Variants in NCAPD2 observed in about 807,000 individuals in gnomAD.
NCAPD2 encodes condensin complex subunit 1.
Under a neutral mutation model 164.5 loss-of-function variants are expected in NCAPD2, and 100 were observed. That is an observed-to-expected ratio of 0.61 (90% CI 0.52 to 0.72). NCAPD2 has a LOEUF of 0.72. Among genes scored for constraint, NCAPD2 ranks in the 30% least tolerant of loss-of-function variants. The pLI is 0.00. For missense variants in NCAPD2, 1,560 were observed against 1,749.2 expected (o/e 0.89, Z 1.93); for synonymous variants, 585 against 642.6 (o/e 0.91, Z 1.36).
intron 9 of NCAPD2, 123 bp downstream of exon 9, chr12:6,515,043 AT>A: frequency 9.2e-7 from 1 of 1,083,616 alleles, no homozygotes; most frequent in Non-Finnish European, 1.3e-6. Context: ...TCATTGTGAC[AT>A]TTCCTTTCTG....
Position 6,528,296 on chromosome 12 carries a change from G to C in NCAPD2, c.3267G>C (p.Leu1089=). Residue 1089 remains leucine, a synonymous_variant, in exon 25 of 32, where the codon CTG becomes CTC. Coordinates refer to ENST00000315579, the MANE Select transcript of NCAPD2 (RefSeq NM_014865.4). This position sits in a 1 kb window ranked among gnomAD's most constrained non-coding sequence, Gnocchi z 5.1. The part of the protein sequence containing the change: ...TGDLAIRFPN[L]VDPWTPHLYA... ...ATCTGGCCATCCGCTTTCCCAATCT[G>C]GTGGACCCCTGGACTCCTCATCTGT... 1 of 1,613,836 alleles carries C rather than the reference G, an allele frequency of 6.2e-7. No individual in the cohort carries two copies.
chr12:6,506,501 A>T (rs1261720896), intron 2 of NCAPD2, among the ~76,000 whole-genome samples: 1 of 151,430 alleles, frequency 6.6e-6, no homozygotes, highest in Non-Finnish European at 1.5e-5. Context: ...GAGGCAGGAG[A>T]GTGGCGTGAA....
chr12:6,511,343 T>G lies in NCAPD2; in HGVS notation c.587+91T>G, dbSNP rs184834802. ...CCGTTTTTTTGGTTTTGTTTTTTTT[T>G]TGTGGGGGGACAGAGCTTCACTCTT... On this transcript the variant is annotated intron_variant, in intron 6 of 31. Transcript: ENST00000315579. 7.4e-4 allele frequency: 1,071 copies of G among 1,453,306 alleles called. 11 individuals are homozygous for G. The East Asian group carries it at 0.023, about 31-fold the overall frequency. 90.0% of individuals were successfully genotyped at this position (1,453,306 alleles called of 1,614,324 possible). A position where few individuals can be genotyped will look rare whatever the true frequency, so the allele number is the denominator to read the frequency against.
intron 6 of NCAPD2, 62 bp from the exon 7 acceptor site, chr12:6,514,203 G>C: frequency 6.2e-7 from 1 of 1,602,984 alleles, no homozygotes; most frequent in South Asian, 1.1e-5. Flanking sequence ...GAATGAGGCA[G>C]GGCTCTGATA....
rs1212591201 is a variant in NCAPD2 at position 6,523,345 on chromosome 12, T to C, written c.2213T>C (p.Ile738Thr). The change falls in exon 17 of 32, where the codon ATT becomes ACT. Residue 738 changes from isoleucine (I) to threonine (T), a missense_variant and splice_region_variant. By Grantham distance (89) the Ile-to-Thr change is moderately conservative. Coordinates refer to ENST00000315579, the MANE Select transcript of NCAPD2 (RefSeq NM_014865.4). Reference sequence around the variant, plus strand: ...GGGACCATTCAGTGTCTTGAGGAAATTGTAAGGCTTCCTGCTTTCTCTTTC... The same window carrying C: ...GGGACCATTCAGTGTCTTGAGGAAACTGTAAGGCTTCCTGCTTTCTCTTTC... Reference protein sequence around the residue: ...SVGTIQCLEEILCEFVQKDEL... With the variant: ...SVGTIQCLEETLCEFVQKDEL... 6.2e-7 allele frequency: 1 copy of C among 1,608,600 alleles called. No homozygotes were observed. The highest frequency in any genetic ancestry group is 8.5e-7 in the Non-Finnish European group (1 of 1,175,586).
At chr12:6,517,149 T>C in intron 10 of NCAPD2, 124 bp downstream of exon 10, 1 of 1,294,790 alleles carries the variant, frequency 7.7e-7, no homozygotes, top group Non-Finnish European at 1.1e-6. Context: ...TTATTATCAG[T>C]AGTAAAAGTC....
intron 2 of NCAPD2, among the ~76,000 whole-genome samples, chr12:6,498,008 A>C (rs906066669): frequency 2.0e-5 from 3 of 151,184 alleles, no homozygotes; most frequent in Admixed American, 6.6e-5. Flanking sequence ...ATCCGAGCTC[A>C]CTGCAACCTC....
intron 9 of NCAPD2, among the ~76,000 whole-genome samples, chr12:6,515,864 G>A (rs1412572978): frequency 2.0e-5 from 3 of 152,140 alleles, no homozygotes; most frequent in Non-Finnish European, 2.9e-5. Context: ...AAGGAGAGTG[G>A]GAGGGAAAGG....
Position 6,527,829 on chromosome 12 carries a change from C to T in NCAPD2, c.2960C>T (p.Thr987Ile). Reference protein sequence around the residue: ...MEEELGLVGATADDTEAELIR... With the variant: ...MEEELGLVGAIADDTEAELIR... Reference sequence around the variant, plus strand: ...GAGGAGCTGGGGCTGGTTGGGGCAACAGCAGATGACACAGAGGCAGAACTA... The same window carrying T: ...GAGGAGCTGGGGCTGGTTGGGGCAATAGCAGATGACACAGAGGCAGAACTA... Residue 987 changes from threonine to isoleucine, a missense_variant, in exon 23 of 32, where the codon ACA becomes ATA. Thr to Ile is a moderately conservative substitution (Grantham distance 89, BLOSUM62 -1). Transcript: ENST00000315579. The T allele has an allele frequency of 1.2e-6, 2 of 1,613,906 alleles. No homozygotes were observed. The highest frequency in any genetic ancestry group is 1.6e-4 in the Middle Eastern group (1 of 6,062).
chr12:6,504,228 T>TATACATATATAC (rs1946077194), intron 2 of NCAPD2, among the ~76,000 whole-genome samples: 4 of 55,874 alleles, frequency 7.2e-5, no homozygotes, highest in African/African-American at 2.8e-4. Flanking sequence ...GATATAGATA[T>TATACATATATAC]ATATATATAT....
chr12:6,528,585 A>C lies in NCAPD2; in HGVS notation c.3300-94A>C, dbSNP rs1038227946. On this transcript the variant is annotated intron_variant, in intron 25 of 31. Coordinates refer to ENST00000315579, the MANE Select transcript of NCAPD2 (RefSeq NM_014865.4). This position sits in a 1 kb window ranked among gnomAD's most constrained non-coding sequence, Gnocchi z 5.1. ...CTGACTGCTTCTGGAGTGGCAGAGC[A>C]TGGGATAATTGATTCCTGCTGAGGG... 5.7e-6 allele frequency: 8 copies of C among 1,397,180 alleles called. No homozygotes were observed. The allele number at this position is 1,397,180 out of a possible 1,614,324, so 86.5% of individuals were successfully genotyped here. A position where few individuals can be genotyped will look rare whatever the true frequency, so the allele number is the denominator to read the frequency against.
chr12:6,507,622 G>C (rs1946109770), intron 2 of NCAPD2, among the ~76,000 whole-genome samples: 1 of 152,206 alleles, frequency 6.6e-6, no homozygotes, highest in South Asian at 2.1e-4. Flanking sequence ...ACATAAGGGA[G>C]AGAGGGGAAA....
intron 9 of NCAPD2, among the ~76,000 whole-genome samples, chr12:6,515,343 C>G (rs1946189006): frequency 6.6e-6 from 1 of 152,022 alleles, no homozygotes; most frequent in South Asian, 2.1e-4. Flanking sequence ...TACTACCATG[C>G]CTGGCTAATT....
chr12:6,494,573 C>CACT (rs1165572020), intron 1 of NCAPD2, among the ~76,000 whole-genome samples: 1 of 152,188 alleles, frequency 6.6e-6, no homozygotes, highest in Non-Finnish European at 1.5e-5. Context: ...GCAGGAAGCC[C>CACT]ACTAGCCCAT....
intron 29 of NCAPD2, 52 bp from the exon 30 acceptor site, chr12:6,530,639 A>C (rs1392163756): frequency 6.2e-7 from 1 of 1,602,900 alleles, no homozygotes; most frequent in Admixed American, 1.7e-5. Flanking sequence ...TTTCTTTTTA[A>C]TCAGAAGTAA....
chr12:6,496,115 T>C (rs547437006), intron 2 of NCAPD2, among the ~76,000 whole-genome samples: 1 of 150,548 alleles, frequency 6.6e-6, no homozygotes, highest in East Asian at 1.9e-4. Flanking sequence ...TGGAGTGCAG[T>C]GATGCGATAT....
intron 15 of NCAPD2, among the ~76,000 whole-genome samples, chr12:6,522,339 A>G (rs1408682609): frequency 6.6e-6 from 1 of 152,086 alleles, no homozygotes; most frequent in South Asian, 2.1e-4. Context: ...TAATCCCTAC[A>G]AAACTGGGAG....
intron 2 of NCAPD2, among the ~76,000 whole-genome samples, chr12:6,500,441 G>T (rs1455244962): frequency 6.6e-6 from 1 of 152,146 alleles, no homozygotes; most frequent in Non-Finnish European, 1.5e-5. Flanking sequence ...CTATGCAAAG[G>T]CCTTGAGGTG....
intron 18 of NCAPD2, 121 bp downstream of exon 18, chr12:6,525,837 C>T (rs538757944): frequency 9.0e-5 from 125 of 1,383,564 alleles, no homozygotes; most frequent in East Asian, 2.4e-4. Context: ...TGAGTTATAA[C>T]GCCACCTAAA....
Sources: gnomAD v4.1 joint callset for allele counts (sites outside exome capture counted in the v4.1 genomes callset) on GRCh38, gnomAD v4.1.1 for gene constraint, Gnocchi (gnomAD v3.1) non-coding constraint, MANE v1.5 for transcripts, NCBI Gene and HGNC (gene_info 2026-07-23, HGNC 2026-07-21) for gene names.